The following RABGAP1L variants were observed in gnomAD, a reference collection of about 807,000 sequenced individuals.
RABGAP1L encodes RAB GTPase activating protein 1 like, also known as rab GTPase-activating protein 1-like.
A neutral mutation model predicts 137.7 loss-of-function variants in RABGAP1L; 63 were observed. That is an observed-to-expected ratio of 0.46 (90% CI 0.37 to 0.56). RABGAP1L has a LOEUF of 0.56. Among genes scored for constraint, RABGAP1L ranks in the 20% least tolerant of loss-of-function variants. The probability of loss-of-function intolerance (pLI) is 0.00; values close to 1 mark genes in which losing one functional copy is unlikely to be tolerated. For missense variants in RABGAP1L, 1,095 were observed against 1,244.0 expected, an observed-to-expected ratio of 0.88 and a Z score of 1.80; for synonymous variants, 431 against 433.7, an observed-to-expected ratio of 0.99 and a Z score of 0.08.
At chr1:174,405,154 T>C (rs1649112167) in intron 13 of RABGAP1L, among the ~76,000 whole-genome samples, 1 of 152,212 alleles carries the variant, frequency 6.6e-6, no homozygotes, top group Non-Finnish European at 1.5e-5. Context: ...TATTTTTCTT[T>C]TGATTGAATA....
intron 13 of RABGAP1L, among the ~76,000 whole-genome samples, chr1:174,478,503 C>T (rs1377860233): frequency 6.6e-6 from 1 of 152,056 alleles, no homozygotes; most frequent in Non-Finnish European, 1.5e-5. Context: ...TCTTGAACTC[C>T]TGGCCTCAAC....
chr1:174,368,105 A>T (rs1684804273), intron 11 of RABGAP1L: 1 of 152,328 alleles, frequency 6.6e-6, no homozygotes, highest in East Asian at 1.9e-4. Flanking sequence ...GCCATCTCTC[A>T]TGCACACACG....
At chr1:174,189,775 T>A (rs1008661015) in intron 1 of RABGAP1L, among the ~76,000 whole-genome samples, 4 of 152,218 alleles carry the variant, frequency 2.6e-5, no homozygotes, top group Admixed American at 6.5e-5. Context: ...TTGAGACCAG[T>A]CTGGGCAACA....
chr1:174,726,312 GC>G (rs1681976213), intron 17 of RABGAP1L, among the ~76,000 whole-genome samples: 1 of 150,816 alleles, frequency 6.6e-6, no homozygotes, highest in Non-Finnish European at 1.5e-5. Flanking sequence ...TTTCTATATT[GC>G]CCAGTCCAGT....
intron 13 of RABGAP1L, among the ~76,000 whole-genome samples, chr1:174,523,221 A>T (rs543846795): frequency 3.3e-5 from 5 of 152,206 alleles, no homozygotes; most frequent in African/African-American, 9.6e-5. Flanking sequence ...TCATCCTTCA[A>T]TGAACACAAC....
At chr1:174,463,862 CTT>C (rs1365972601) in intron 13 of RABGAP1L, among the ~76,000 whole-genome samples, 3 of 151,910 alleles carry the variant, frequency 2.0e-5, no homozygotes, top group South Asian at 2.1e-4. Context: ...AAAGGGAACA[CTT>C]ATATACTGTA....
chr1:174,547,839 A>G lies in RABGAP1L; in HGVS notation c.1711-89536A>G, dbSNP rs1219098806. 34 of 1,522,140 alleles carry G rather than the reference A, an allele frequency of 2.2e-5. No homozygotes were observed. The East Asian group carries it at 3.9e-4, about 18-fold the overall frequency. The allele number at this position is 1,522,140 out of a possible 1,614,324, so 94.3% of individuals were successfully genotyped here. On this transcript the variant is annotated intron_variant, in intron 13 of 25. Transcript: ENST00000681986. ...ATCATATTTATTTTGTCTTTTAGCA[A>G]CAGATGAAATTTAGTCTTACACCGA...
At position 174,937,626 on chromosome 1, in the gene RABGAP1L, A is replaced by ATATATATATATATATATATATG. The variant is rs1016236065; in HGVS notation, c.2341-19822_2341-19821insATATATATATATGTATATATAT. 3.7e-5 allele frequency among the ~76,000 whole-genome samples: 5 copies of ATATATATATATATATATATATG among 134,958 alleles called. 1 individual carries two copies. The highest frequency in any genetic ancestry group is 1.3e-4 in the African/African-American group (4 of 31,676). The allele number at this position is 134,958 out of a possible 152,430, so 88.5% of individuals were successfully genotyped here. A position where few individuals can be genotyped will look rare whatever the true frequency, so the allele number is the denominator to read the frequency against. ...AATAGCAATACTTCATTAAATATAT[A>ATATATATATATATATATATATG]TATATATATCTTGCAGTTAGAAACT... On this transcript the variant is annotated intron_variant, in intron 19 of 25. Transcript: ENST00000681986.
At chr1:174,508,715 C>T (rs1294540082) in intron 13 of RABGAP1L, among the ~76,000 whole-genome samples, 2 of 152,086 alleles carry the variant, frequency 1.3e-5, no homozygotes, top group African/African-American at 4.8e-5. Context: ...CCAGGGATAT[C>T]TCATGGAAAT....
At chr1:174,883,466 C>G (rs2149094793) in intron 19 of RABGAP1L, among the ~76,000 whole-genome samples, 1 of 152,216 alleles carries the variant, frequency 6.6e-6, no homozygotes, top group African/African-American at 2.4e-5. Flanking sequence ...TTGGGTTACC[C>G]TGGAGAATTA....
At chr1:174,628,365 G>A (rs1168218518) in intron 13 of RABGAP1L, among the ~76,000 whole-genome samples, 1 of 152,132 alleles carries the variant, frequency 6.6e-6, no homozygotes. Flanking sequence ...ACAGAAGGAT[G>A]TCTAAAATGT....
intron 11 of RABGAP1L, 72 bp downstream of exon 11, chr1:174,305,199 G>C: frequency 1.4e-6 from 2 of 1,400,598 alleles, no homozygotes; most frequent in Non-Finnish European, 1.9e-6. Context: ...GAGGAGGTGT[G>C]TGTGTTGTGG....
At chr1:174,391,881 C>G (rs985506456) in intron 12 of RABGAP1L, among the ~76,000 whole-genome samples, 6 of 151,968 alleles carry the variant, frequency 3.9e-5, no homozygotes, top group Non-Finnish European at 2.9e-5. Flanking sequence ...TTTAATTAAC[C>G]CAGTTTTCTA....
intron 11 of RABGAP1L, among the ~76,000 whole-genome samples, chr1:174,363,511 TG>T (rs1329775953): frequency 6.6e-6 from 1 of 152,214 alleles, no homozygotes; most frequent in Non-Finnish European, 1.5e-5. Context: ...CCTAGTTAGC[TG>T]TATTCCTAGG....
intron 13 of RABGAP1L, among the ~76,000 whole-genome samples, chr1:174,583,021 AGATTCT>A (rs1470164729): frequency 6.6e-6 from 1 of 152,220 alleles, no homozygotes; most frequent in Non-Finnish European, 1.5e-5. Context: ...GATTTATATC[AGATTCT>A]ATTTATGAAG....
intron 1 of RABGAP1L, among the ~76,000 whole-genome samples, chr1:174,215,856 T>C (rs1430929515): frequency 6.6e-6 from 1 of 152,140 alleles, no homozygotes; most frequent in African/African-American, 2.4e-5. Context: ...TGCACTCCCT[T>C]GTTTATTGCA....
chr1:174,457,542 C>A (rs540599232), intron 13 of RABGAP1L, among the ~76,000 whole-genome samples: 176 of 146,168 alleles, frequency 1.2e-3, no homozygotes, highest in African/African-American at 4.2e-3. Flanking sequence ...AGAGTGATCA[C>A]CAGTGTCACC....
intron 18 of RABGAP1L, among the ~76,000 whole-genome samples, chr1:174,766,839 C>G (rs1685707451): frequency 6.6e-6 from 1 of 152,156 alleles, no homozygotes; most frequent in Admixed American, 6.5e-5. Flanking sequence ...ATTATGCCAT[C>G]TTCCCTTTTG....
chr1:174,306,326 T>C (rs1402287611), intron 11 of RABGAP1L, among the ~76,000 whole-genome samples: 1 of 152,214 alleles, frequency 6.6e-6, no homozygotes, highest in East Asian at 1.9e-4. Context: ...TCTAGATCCT[T>C]GAGGAATCAC....
Sources: gnomAD v4.1 joint callset for allele counts (sites outside exome capture counted in the v4.1 genomes callset) on GRCh38, gnomAD v4.1.1 for gene constraint, MANE v1.5 for transcripts, NCBI Gene and HGNC (gene_info 2026-07-23, HGNC 2026-07-21) for gene names.